Variants in MYO1B observed in about 807,000 individuals in gnomAD.
MYO1B encodes the protein unconventional myosin-Ib.
A neutral mutation model predicts 159.7 loss-of-function variants in MYO1B; 72 were observed. That is an observed-to-expected ratio of 0.45 (90% CI 0.37 to 0.55). The LOEUF (loss-of-function observed/expected upper bound fraction) is 0.55. Among genes scored for constraint, MYO1B ranks in the 20% least tolerant of loss-of-function variants. MYO1B has a pLI of 0.00. For missense variants in MYO1B, 1,062 were observed against 1,364.8 expected, an observed-to-expected ratio of 0.78 and a Z score of 3.50; for synonymous variants, 468 against 473.8, an observed-to-expected ratio of 0.99 and a Z score of 0.16.
At chr2:191,267,306 G>A (rs1687202066) in intron 1 of MYO1B, among the ~76,000 whole-genome samples, 1 of 152,092 alleles carries the variant, frequency 6.6e-6, no homozygotes, top group African/African-American at 2.4e-5. Flanking sequence ...GTATTAGCCA[G>A]AATTTGAACA....
chr2:191,325,951 G>T (rs1417539435), intron 3 of MYO1B, among the ~76,000 whole-genome samples: 1 of 152,132 alleles, frequency 6.6e-6, no homozygotes, highest in Non-Finnish European at 1.5e-5. Flanking sequence ...GAACAGCCGT[G>T]TAGCTGATCT....
At position 191,321,406 on chromosome 2, in the gene MYO1B, G is replaced by A. The variant is rs563211386; in HGVS notation, c.252-8529G>A. 2.6e-5 allele frequency among the ~76,000 whole-genome samples: 4 copies of A among 152,294 alleles called. No individual in the cohort carries two copies. In the South Asian group the frequency reaches 8.3e-4, roughly 32 times the overall value. On this transcript the variant is annotated intron_variant, in intron 3 of 30. Coordinates refer to ENST00000392318, the MANE Select transcript of MYO1B (RefSeq NM_001130158.3). ...TGCCAAAAAGTTTGGAAACATTTGTGTTGGGAATTTGTTTAAAGTGAGCCA... is the reference window on the plus strand; with the variant it reads ...TGCCAAAAAGTTTGGAAACATTTGTATTGGGAATTTGTTTAAAGTGAGCCA...
At chr2:191,353,853 C>CT (rs1473225260) in intron 7 of MYO1B, among the ~76,000 whole-genome samples, 1 of 152,140 alleles carries the variant, frequency 6.6e-6, no homozygotes, top group Non-Finnish European at 1.5e-5. Flanking sequence ...TAAATATTTG[C>CT]TTTTTTCACT....
chr2:191,331,335 G>C (rs568553704), intron 4 of MYO1B, among the ~76,000 whole-genome samples: 2 of 152,174 alleles, frequency 1.3e-5, no homozygotes, highest in South Asian at 4.2e-4. Flanking sequence ...ACATGGGACA[G>C]CCAAACTCCT....
intron 24 of MYO1B, chr2:191,407,662 T>G (rs1204212771): frequency 6.6e-6 from 1 of 152,340 alleles, no homozygotes; most frequent in East Asian, 1.9e-4. Flanking sequence ...ATTTAAATTC[T>G]TAGCCATATT....
intron 2 of MYO1B, among the ~76,000 whole-genome samples, chr2:191,293,301 C>A (rs1056383679): frequency 2.6e-5 from 4 of 152,166 alleles, no homozygotes; most frequent in African/African-American, 9.7e-5. Context: ...ATTGTTCTGG[C>A]TGTTTTTACA....
intron 2 of MYO1B, among the ~76,000 whole-genome samples, chr2:191,290,636 C>A (rs1231342722): frequency 6.6e-6 from 1 of 152,138 alleles, no homozygotes; most frequent in Non-Finnish European, 1.5e-5. Context: ...CATACACATA[C>A]CTGGTTGTGA....
chr2:191,321,575 G>A (rs1309546522), intron 3 of MYO1B, among the ~76,000 whole-genome samples: 3 of 152,114 alleles, frequency 2.0e-5, no homozygotes, highest in Non-Finnish European at 2.9e-5. Context: ...ATCCCCAATT[G>A]CATATTTGTT....
At chr2:191,326,598 T>C (rs975990153) in intron 3 of MYO1B, among the ~76,000 whole-genome samples, 1 of 152,194 alleles carries the variant, frequency 6.6e-6, no homozygotes, top group Non-Finnish European at 1.5e-5. Context: ...TTGTCTTCTA[T>C]TAAAATTATA....
Position 191,381,667 on chromosome 2 carries a change from G to A in MYO1B, c.1290+101G>A, listed in dbSNP as rs939715413. On this transcript the variant is annotated intron_variant, in intron 14 of 30. Transcript: ENST00000392318. ...CTAAACAAGAAGCCATATTCAAAAGGCTACATACTGTATGATTCCATCTGT... is the reference window on the plus strand; with the variant it reads ...CTAAACAAGAAGCCATATTCAAAAGACTACATACTGTATGATTCCATCTGT... 3.8e-6 allele frequency: 3 copies of A among 788,706 alleles called. No homozygotes were observed. In the African/African-American group the frequency reaches 5.2e-5, roughly 14 times the overall value. 48.9% of individuals were successfully genotyped at this position (788,706 alleles called of 1,614,324 possible). A position where few individuals can be genotyped will look rare whatever the true frequency, so the allele number is the denominator to read the frequency against.
intron 2 of MYO1B, among the ~76,000 whole-genome samples, chr2:191,281,421 G>A (rs113983429): frequency 1.3e-5 from 2 of 152,170 alleles, no homozygotes; most frequent in African/African-American, 2.4e-5. Flanking sequence ...GTTCAAGCTG[G>A]GCCCAGCTGC....
At chr2:191,380,236 G>T (rs1020071621) in intron 13 of MYO1B, among the ~76,000 whole-genome samples, 2 of 152,168 alleles carry the variant, frequency 1.3e-5, no homozygotes, top group African/African-American at 4.8e-5. Flanking sequence ...TCCTAAGTAA[G>T]ACCAAAGTTG....
rs747878244 is a variant in MYO1B at position 191,400,809 on chromosome 2, A to T, written c.2443A>T (p.Ile815Phe). The change falls in exon 23 of 31, where the codon ATT (isoleucine) becomes TTT (phenylalanine). Residue 815 changes from isoleucine (I) to phenylalanine (F), a missense_variant. Ile to Phe is a conservative substitution (Grantham distance 21). Coordinates refer to ENST00000392318, the MANE Select transcript of MYO1B (RefSeq NM_001130158.3). ...EARNKHAIAV[I>F]WAYWLGSKAR... ...TAGGAATAAACATGCTATTGCAGTT[A>T]TTTGGGCTTACTGGCTTGGATCTAA... 5 of 1,613,890 alleles carry T rather than the reference A, an allele frequency of 3.1e-6. No homozygotes were observed. In the South Asian group the frequency reaches 5.5e-5, roughly 18 times the overall value.
At chr2:191,313,061 A>G (rs1188781419) in intron 3 of MYO1B, among the ~76,000 whole-genome samples, 3 of 152,126 alleles carry the variant, frequency 2.0e-5, no homozygotes, top group Admixed American at 6.5e-5. Context: ...GCATAACACA[A>G]CAAAGGTTTG....
At position 191,409,124 on chromosome 2, in the gene MYO1B, C is replaced by T. The variant is rs184697601; in HGVS notation, c.2712C>T (p.Tyr904=). 8 of 1,613,176 alleles carry T rather than the reference C, an allele frequency of 5.0e-6. No homozygotes were observed. The African/African-American group carries it at 1.1e-4, about 22-fold the overall frequency. ...PIDKNWPSRP[Y]LFLDSTHKEL... ...ACAAGAATTGGCCCTCAAGACCTTA[C>T]TTATTCTTGGATTCTACTCACAAGG... The change falls in exon 26 of 31, where the codon TAC becomes TAT. Residue 904 remains tyrosine, a synonymous_variant. Transcript: ENST00000392318.
At chr2:191,402,460 T>C (rs1696673073) in intron 23 of MYO1B, 172 bp from the exon 24 acceptor site, 1 of 625,334 alleles carries the variant, frequency 1.6e-6, no homozygotes, top group Non-Finnish European at 2.8e-6. Flanking sequence ...ATATAAGCGC[T>C]GCACCAGCCT....
intron 27 of MYO1B, among the ~76,000 whole-genome samples, chr2:191,413,779 TTC>T (rs1334138374): frequency 1.3e-5 from 2 of 152,184 alleles, no homozygotes; most frequent in African/African-American, 2.4e-5. Flanking sequence ...TATGAGTGAT[TTC>T]TGTCTTGATT....
intron 4 of MYO1B, among the ~76,000 whole-genome samples, chr2:191,335,075 T>C (rs1309769635): frequency 5.3e-5 from 8 of 152,160 alleles, no homozygotes; most frequent in Admixed American, 5.2e-4. Context: ...ACTGTGCTTC[T>C]TGGACCCTGT....
At chr2:191,363,904 G>T (rs775792397) in intron 10 of MYO1B, 29 bp downstream of exon 10, 3 of 1,611,256 alleles carry the variant, frequency 1.9e-6, no homozygotes, top group Non-Finnish European at 8.5e-7. Flanking sequence ...AACTTTGTTT[G>T]TTTAGGAAAC....
Sources: allele counts gnomAD v4.1 joint callset (sites outside exome capture counted in the v4.1 genomes callset), GRCh38; gene constraint gnomAD v4.1.1; transcripts MANE v1.5; gene names NCBI Gene and HGNC (gene_info 2026-07-23, HGNC 2026-07-21).